The following USP6 variants were observed in gnomAD, a reference collection of about 807,000 sequenced individuals.
USP6 encodes ubiquitin carboxyl-terminal hydrolase 6.
A neutral mutation model predicts 175.7 loss-of-function variants in USP6; 128 were observed. That is an observed-to-expected ratio of 0.73 (90% CI 0.63 to 0.84). The LOEUF is 0.84. Among genes scored for constraint, USP6 ranks in the 40% least tolerant of loss-of-function variants. USP6 has a pLI of 0.00. For synonymous variants in USP6, 562 were observed against 630.6 expected (o/e 0.89, Z 1.63); for missense variants, 1,498 against 1,760.3 (o/e 0.85, Z 2.67).
intron 30 of USP6, among the ~76,000 whole-genome samples, chr17:5,153,475 A>G (rs1266785904): frequency 6.6e-6 from 1 of 151,290 alleles, no homozygotes; most frequent in Non-Finnish European, 1.5e-5. Context: ...TAGTAGAGAC[A>G]GGGTCTCTCT....
chr17:5,159,542 T>G (rs1362639628), intron 31 of USP6, among the ~76,000 whole-genome samples: 1 of 152,114 alleles, frequency 6.6e-6, no homozygotes. Context: ...GTGGCATAAT[T>G]CAGTAGCACA....
intron 9 of USP6, 74 bp from the exon 10 acceptor site, chr17:5,130,293 C>A: frequency 6.7e-7 from 1 of 1,482,346 alleles, no homozygotes; most frequent in Non-Finnish European, 9.4e-7. Context: ...CATCTGGGAG[C>A]CCGGTGGGAG....
rs372190473 is a variant in USP6 at position 5,132,469 on chromosome 17, G to A, written c.195+34G>A. On this transcript the variant is annotated intron_variant, in intron 12 of 37. Transcript: ENST00000574788. This position sits in a 1 kb window ranked among gnomAD's most constrained non-coding sequence, Gnocchi z 4.7. ...CTGATGCGTGGAGGGGCTGGTCCAG[G>A]GACGTAGGGACTGGGCGGGTGGTCA... is the stretch of plus-strand genomic sequence containing the variant. 12 of 1,612,070 alleles carry A rather than the reference G, an allele frequency of 7.4e-6. No homozygotes were observed. Among genetic ancestry groups the A allele is most frequent in the Non-Finnish European group, 1.0e-5 (12 of 1,179,844 alleles).
intron 13 of USP6, 144 bp downstream of exon 13, chr17:5,133,134 A>T: frequency 1.9e-6 from 2 of 1,034,618 alleles, no homozygotes; most frequent in East Asian, 4.9e-5. Flanking sequence ...CCTGGTCACC[A>T]GATTGCCTGC....
intron 13 of USP6, among the ~76,000 whole-genome samples, 186 bp downstream of exon 13, chr17:5,133,176 G>GAATCTGAATCTAGGGCTGGGACC (rs2073132763): frequency 6.6e-6 from 1 of 152,162 alleles, no homozygotes. Flanking sequence ...TGCTGGGAGG[G>GAATCTGAATCTAGGGCTGGGACC]AATCTGAATC....
intron 29 of USP6, 130 bp downstream of exon 29, chr17:5,147,324 T>A: frequency 9.2e-7 from 1 of 1,081,908 alleles, no homozygotes; most frequent in Non-Finnish European, 1.3e-6. Flanking sequence ...AGGGAAACCT[T>A]ACTGATTATT....
rs1000107274 is a variant in USP6 at position 5,120,735 on chromosome 17, A to C, written c.-1728A>C. On this transcript the variant is annotated 5_prime_UTR_variant, in exon 3 of 38. Coordinates refer to ENST00000574788, the MANE Select transcript of USP6 (RefSeq NM_001304284.2). The stretch of plus-strand genomic sequence containing the variant: ...CCTGAATGAGATGCATGACCAGGAC[A>C]AGAAATTGGTGGAGAAGAGCTACAA... The C allele has an allele frequency of 1.4e-5, 6 of 436,960 alleles. No individual in the cohort carries two copies. The highest frequency in any genetic ancestry group is 2.3e-5 in the Non-Finnish European group (5 of 217,932). The allele number at this position is 436,960 out of a possible 1,614,324, so 27.1% of individuals were successfully genotyped here.
intron 21 of USP6, 144 bp downstream of exon 21, chr17:5,138,417 C>T (rs1198624885): frequency 1.2e-5 from 18 of 1,455,716 alleles, no homozygotes; most frequent in Admixed American, 2.0e-5. Context: ...TAAGAAAGTA[C>T]AGGAGGCCCA....
intron 22 of USP6, 52 bp from the exon 23 acceptor site, chr17:5,141,372 TG>T: frequency 6.8e-7 from 1 of 1,472,552 alleles, no homozygotes; most frequent in Non-Finnish European, 9.2e-7. Flanking sequence ...AGCAATCAAG[TG>T]GGTGTAAATT....
intron 33 of USP6, among the ~76,000 whole-genome samples, chr17:5,166,407 G>T (rs1478397445): frequency 6.6e-6 from 1 of 152,070 alleles, no homozygotes; most frequent in Admixed American, 6.6e-5. Flanking sequence ...AAAAAGTCTC[G>T]CCTGAAAACC....
At position 5,139,567 on chromosome 17, in the gene USP6, G is replaced by A. The variant is rs1598025681; in HGVS notation, c.1391G>A (p.Gly464Glu). 1 of 1,613,778 alleles carries A rather than the reference G, an allele frequency of 6.2e-7. No individual in the cohort carries two copies. The highest frequency in any genetic ancestry group is 1.3e-5 in the African/African-American group (1 of 75,042). Residue 464 changes from glycine to glutamate, a missense_variant, in exon 22 of 38, where the codon GGG becomes GAG. This residue lies in a region of USP6 where 1,217 missense variants were observed against 1,500.8 expected (regional missense o/e 0.81). Transcript: ENST00000574788. ...CGGCTCCCAACGGACCTGGATATAG[G>A]GGGCCCTTGGTTCCCCCATTATGAT... ...MPRLPTDLDI[G>E]GPWFPHYDFE...
intron 30 of USP6, among the ~76,000 whole-genome samples, chr17:5,151,430 C>CAT (rs1173936268): frequency 2.5e-4 from 24 of 96,868 alleles, no homozygotes; most frequent in African/African-American, 1.1e-3. Context: ...GCAAAGTCTG[C>CAT]ATGTGTGTGT....
intron 20 of USP6, 24 bp downstream of exon 20, chr17:5,137,774 G>A: frequency 6.2e-7 from 1 of 1,605,524 alleles, no homozygotes; most frequent in Non-Finnish European, 8.5e-7. Flanking sequence ...TGCCCAGTGG[G>A]GCCTGGGGAG....
chr17:5,170,700 C>G lies in USP6; in HGVS notation c.3739C>G (p.His1247Asp), dbSNP rs368694824. The change falls in exon 36 of 38, where the codon CAT becomes GAT. Residue 1247 changes from histidine (H) to aspartate (D), a missense_variant. His to Asp is a moderately conservative substitution (Grantham distance 81). Around this residue, in one of 2 missense-constraint regions of USP6, gnomAD observed 1,217 missense variants for 1,500.8 expected, o/e 0.81. Coordinates refer to ENST00000574788, the MANE Select transcript of USP6 (RefSeq NM_001304284.2). ...CELADALSRG[H>D]MRGGSQPELV... The stretch of plus-strand genomic sequence containing the variant: ...GCTGGCTGACGCCTTGAGCCGAGGG[C>G]ATATGCGGGGGGGCAGCCAACCAGA... 6 of 1,613,928 alleles carry G rather than the reference C, an allele frequency of 3.7e-6. No individual in the cohort carries two copies. In the African/African-American group the frequency reaches 8.0e-5, roughly 22 times the overall value.
At chr17:5,133,650 G>GGGGGGGGGGGGGGGGGC in intron 14 of USP6, 100 bp downstream of exon 14, 5 of 556,556 alleles carry the variant, frequency 9.0e-6, no homozygotes, top group Admixed American at 2.2e-5. Context: ...GGGGGGGTGG[G>GGGGGGGGGGGGGGGGGC]AGGGGATGGT....
chr17:5,141,623 C>CT, intron 23 of USP6, 124 bp downstream of exon 23: 1 of 828,522 alleles, frequency 1.2e-6, no homozygotes, highest in Non-Finnish European at 1.8e-6. Context: ...CCTTCTTTTT[C>CT]TTTTTTCCTG....
chr17:5,158,100 A>G (rs1481337211), intron 31 of USP6, among the ~76,000 whole-genome samples: 1 of 152,248 alleles, frequency 6.6e-6, no homozygotes, highest in East Asian at 1.9e-4. Context: ...TGCTGAAGAT[A>G]TAAACATAGA....
At chr17:5,145,100 A>G (rs1412028632) in intron 26 of USP6, among the ~76,000 whole-genome samples, 2 of 152,214 alleles carry the variant, frequency 1.3e-5, no homozygotes, top group African/African-American at 4.8e-5. Flanking sequence ...GACTGGATGT[A>G]GGAATAATTG....
chr17:5,132,264 C>A lies in USP6; in HGVS notation c.156-132C>A, dbSNP rs1190795746. ...CACAGGAAGGCCCTTGTCCTCCCTT[C>A]CCTGTGCCTTCTCCCGGGCTGAGCC... On this transcript the variant is annotated intron_variant, in intron 11 of 37. Transcript: ENST00000574788. The surrounding 1 kb of genome is among the most constrained non-coding windows in gnomAD (Gnocchi z 4.7). The A allele has an allele frequency of 6.2e-7, 1 of 1,605,212 alleles. No individual in the cohort carries two copies. The highest frequency in any genetic ancestry group is 8.5e-7 in the Non-Finnish European group (1 of 1,175,278).
Sources: allele counts gnomAD v4.1 joint callset (sites outside exome capture counted in the v4.1 genomes callset), GRCh38; gene constraint gnomAD v4.1.1; regional missense constraint gnomAD v4.1.1; non-coding constraint Gnocchi (gnomAD v3.1); transcripts MANE v1.5; gene names NCBI Gene and HGNC (gene_info 2026-07-23, HGNC 2026-07-21).